Variants in KCNK10 observed in about 807,000 individuals in gnomAD.
The protein encoded by KCNK10 is potassium two pore domain channel subfamily K member 10.
In KCNK10, 25 loss-of-function variants were observed where a neutral mutation model predicts 47.7. The observed-to-expected ratio is 0.52, with a 90% CI of 0.38 to 0.73. The LOEUF (loss-of-function observed/expected upper bound fraction) is 0.73. Among genes scored for constraint, KCNK10 ranks in the 30% least tolerant of loss-of-function variants. The pLI is 0.00. For synonymous variants in KCNK10, 303 were observed against 285.6 expected, an observed-to-expected ratio of 1.06 and a Z score of -0.61; for missense variants, 563 against 714.5, an observed-to-expected ratio of 0.79 and a Z score of 2.42.
At position 88,182,028 on chromosome 14, in the gene KCNK10, C is replaced by A. The variant is rs1441441946; in HGVS notation, c.*3507G>T. On this transcript the variant is annotated 3_prime_UTR_variant, in exon 7 of 7. Transcript: ENST00000319231. ...CAGGCCAGAGATGGCCCAACACCAC[C>A]CCAACCCGCACACACACACACACAC... 1 of 134,236 alleles carries A rather than the reference C, an allele frequency of 7.4e-6. No homozygotes were observed. The highest frequency in any genetic ancestry group is 1.5e-5 in the Non-Finnish European group (1 of 65,568). 8.3% of individuals were successfully genotyped at this position (134,236 alleles called of 1,614,324 possible).
At position 88,192,446 on chromosome 14, in the gene KCNK10, C is replaced by A. The variant is rs374129269; in HGVS notation, c.682-36G>T. On this transcript the variant is annotated intron_variant, in intron 4 of 6. Coordinates refer to ENST00000319231, the MANE Select transcript of KCNK10 (RefSeq NM_138317.3). Reference sequence around the variant, plus strand: ...CAAAGGAGAAAGATAGGCAAGTCAGCGGCATCACCCTGGATTCAGGATATA... The same window carrying A: ...CAAAGGAGAAAGATAGGCAAGTCAGAGGCATCACCCTGGATTCAGGATATA... The A allele has an allele frequency of 3.2e-6, 5 of 1,567,030 alleles. No individual in the cohort carries two copies. The African/African-American group carries it at 5.4e-5, about 17-fold the overall frequency.
intron 1 of KCNK10, among the ~76,000 whole-genome samples, chr14:88,289,933 A>G (rs779140539): frequency 6.6e-6 from 1 of 152,190 alleles, no homozygotes; most frequent in Non-Finnish European, 1.5e-5. Context: ...ATTTTGGCAT[A>G]AGCATTGTGT....
chr14:88,255,091 A>T (rs1886909561), intron 2 of KCNK10, among the ~76,000 whole-genome samples: 1 of 152,162 alleles, frequency 6.6e-6, no homozygotes, highest in Non-Finnish European at 1.5e-5. Flanking sequence ...TTCTTTGAAA[A>T]CACAATATTC....
chr14:88,207,681 T>C (rs184731963), intron 4 of KCNK10, among the ~76,000 whole-genome samples: 1 of 152,206 alleles, frequency 6.6e-6, no homozygotes, highest in South Asian at 2.1e-4. Flanking sequence ...CATTGATTCA[T>C]CAAGTATGGA....
chr14:88,243,892 A>G (rs1337805847), intron 2 of KCNK10, among the ~76,000 whole-genome samples: 1 of 151,344 alleles, frequency 6.6e-6, no homozygotes. Flanking sequence ...TCTATCTGTG[A>G]CGTCAATTCC....
At chr14:88,259,990 T>C (rs1048285044) in intron 2 of KCNK10, among the ~76,000 whole-genome samples, 1 of 152,186 alleles carries the variant, frequency 6.6e-6, no homozygotes, top group African/African-American at 2.4e-5. Flanking sequence ...ATGCCTAGGC[T>C]GGAGTGCAGT....
intron 4 of KCNK10, among the ~76,000 whole-genome samples, chr14:88,195,790 C>G (rs774786083): frequency 2.5e-4 from 38 of 152,316 alleles, no homozygotes; most frequent in South Asian, 4.1e-4. Flanking sequence ...TTTGCGATGT[C>G]AGGAACCAGC....
At chr14:88,194,198 T>C (rs189427700) in intron 4 of KCNK10, among the ~76,000 whole-genome samples, 12 of 152,292 alleles carry the variant, frequency 7.9e-5, no homozygotes, top group Admixed American at 3.9e-4. Flanking sequence ...TTTCCACACA[T>C]GAAAGTGTCG....
At chr14:88,236,059 T>A (rs1348061110) in intron 3 of KCNK10, among the ~76,000 whole-genome samples, 1 of 152,226 alleles carries the variant, frequency 6.6e-6, no homozygotes, top group Non-Finnish European at 1.5e-5. Context: ...CTCACACATG[T>A]AATCCTAGCA....
intron 1 of KCNK10, among the ~76,000 whole-genome samples, chr14:88,308,145 T>G (rs901252256): frequency 2.0e-5 from 3 of 152,114 alleles, no homozygotes; most frequent in African/African-American, 7.2e-5. Context: ...TTAATAATCA[T>G]CAGCACCCCC....
At chr14:88,271,819 C>T (rs142717774) in intron 1 of KCNK10, among the ~76,000 whole-genome samples, 7 of 151,888 alleles carry the variant, frequency 4.6e-5, no homozygotes, top group African/African-American at 1.7e-4. Context: ...AAGGGGTTCA[C>T]ATGAGACTTA....
chr14:88,222,512 C>T (rs547160473), intron 4 of KCNK10, among the ~76,000 whole-genome samples: 177 of 152,258 alleles, frequency 1.2e-3, no homozygotes, highest in South Asian at 3.3e-3. Flanking sequence ...GACTCTACAA[C>T]ACCAAGAGTG....
At chr14:88,325,935 T>G (rs1423434803), upstream of KCNK10, among the ~76,000 whole-genome samples, 2 of 151,834 alleles carry the variant, frequency 1.3e-5, no homozygotes, top group African/African-American at 4.8e-5. Flanking sequence ...GCAGGATGGT[T>G]ATAAGGGGAG....
intron 4 of KCNK10, among the ~76,000 whole-genome samples, chr14:88,215,708 G>A (rs889986798): frequency 3.3e-5 from 5 of 152,036 alleles, no homozygotes; most frequent in Non-Finnish European, 7.4e-5. Context: ...CAGATTCCCA[G>A]AAGTTACCTG....
At position 88,181,940 on chromosome 14, in the gene KCNK10, T is replaced by C. The variant is rs1220895674; in HGVS notation, c.*3595A>G. On this transcript the variant is annotated 3_prime_UTR_variant, in exon 7 of 7. Transcript: ENST00000319231. ...GTAACAAGAGATCTAGGCAGAGAAC[T>C]GATGCACCCACAATCACAGGCTATG... 6.6e-6 allele frequency: 1 copy of C among 152,054 alleles called. No homozygotes were observed. Among genetic ancestry groups the C allele is most frequent in the Non-Finnish European group, 1.5e-5 (1 of 68,058 alleles). The allele number at this position is 152,054 out of a possible 1,614,324, so 9.4% of individuals were successfully genotyped here.
At chr14:88,275,488 G>T (rs1887507051) in intron 1 of KCNK10, among the ~76,000 whole-genome samples, 1 of 152,020 alleles carries the variant, frequency 6.6e-6, no homozygotes, top group African/African-American at 2.4e-5. Flanking sequence ...TCCCGGATGA[G>T]AATTTGTTTG....
chr14:88,266,211 C>T lies in KCNK10; in HGVS notation c.53-2660G>A, dbSNP rs61977007. On this transcript the variant is annotated intron_variant, in intron 1 of 6. Transcript: ENST00000319231. ...ATAAAGGGTGGAAGGAATGCTGGCA[C>T]ATCCAAACCACACAGACAACGTGGA... Among the ~76,000 whole-genome samples, 225 of 152,324 alleles carry T rather than the reference C, an allele frequency of 1.5e-3. 1 individual carries two copies. The highest frequency in any genetic ancestry group is 2.8e-3 in the Non-Finnish European group (192 of 68,028).
At chr14:88,267,026 A>G (rs1887277105) in intron 1 of KCNK10, among the ~76,000 whole-genome samples, 1 of 152,222 alleles carries the variant, frequency 6.6e-6, no homozygotes, top group Non-Finnish European at 1.5e-5. Flanking sequence ...AAAGCACCAG[A>G]GCAAAAACCA....
upstream of KCNK10, chr14:88,326,766 T>G: frequency 2.9e-6 from 1 of 345,428 alleles, no homozygotes. Context: ...GAATGCCGTG[T>G]GGCCCGGCAT....
Sources: gnomAD v4.1 joint callset for allele counts (sites outside exome capture counted in the v4.1 genomes callset) on GRCh38, gnomAD v4.1.1 for gene constraint, MANE v1.5 for transcripts, NCBI Gene and HGNC (gene_info 2026-07-23, HGNC 2026-07-21) for gene names.